Variants in ACBD7 observed in about 807,000 individuals in gnomAD.
ACBD7 encodes the protein acyl-CoA-binding domain-containing protein 7.
A neutral mutation model predicts 13.7 loss-of-function variants in ACBD7; 11 were observed. The ratio of observed to expected loss-of-function variants is 0.80; its 90% CI spans 0.50 to 1.33. The LOEUF (loss-of-function observed/expected upper bound fraction) is 1.33. ACBD7 is among the 40% of genes most tolerant of loss of function. The pLI, the probability that ACBD7 is intolerant of heterozygous loss-of-function variation, is 0.00. For synonymous variants in ACBD7, 43 were observed against 37.7 expected, an observed-to-expected ratio of 1.14 and a Z score of -0.51; for missense variants, 111 against 103.0, an observed-to-expected ratio of 1.08 and a Z score of -0.33.
intron 1 of ACBD7, among the ~76,000 whole-genome samples, chr10:15,083,455 C>T (rs929638009): frequency 6.6e-6 from 1 of 152,176 alleles, no homozygotes; most frequent in Non-Finnish European, 1.5e-5. Context: ...ATATCAGCCT[C>T]TTTTTGTGCT....
In ACBD7 at chr10:15,088,714, T is replaced by A; in HGVS notation, c.12+3A>T. On this transcript the variant is annotated splice_donor_region_variant and intron_variant, in intron 1 of 3. Coordinates refer to ENST00000356189, the MANE Select transcript of ACBD7 (RefSeq NM_001039844.3). ...CCGCGTGGCCTCCCCGCGCCCCGGG[T>A]ACCTGCAGGGCCATGGTGGCGGCTG... The A allele has an allele frequency of 6.3e-7, 1 of 1,597,558 alleles. No individual in the cohort carries two copies. The highest frequency in any genetic ancestry group is 8.5e-7 in the Non-Finnish European group (1 of 1,175,430).
intron 1 of ACBD7, among the ~76,000 whole-genome samples, chr10:15,081,429 G>A (rs1344578947): frequency 6.6e-6 from 1 of 152,184 alleles, no homozygotes; most frequent in Non-Finnish European, 1.5e-5. Flanking sequence ...TCCAGATTAA[G>A]TAAATTTACT....
Position 15,078,251 on chromosome 10 carries a change from C to G in ACBD7, c.*279G>C. ...GATGGTTTCCAGCTTCATCCATGTCCCTGCAAAGGACATGAACTCATCCCT... is the reference window on the plus strand; with the variant it reads ...GATGGTTTCCAGCTTCATCCATGTCGCTGCAAAGGACATGAACTCATCCCT... On this transcript the variant is annotated 3_prime_UTR_variant, in exon 4 of 4. Coordinates refer to ENST00000356189, the MANE Select transcript of ACBD7 (RefSeq NM_001039844.3). 1 of 808,722 alleles carries G rather than the reference C, an allele frequency of 1.2e-6. No homozygotes were observed. Among genetic ancestry groups the G allele is most frequent in the South Asian group, 3.5e-5 (1 of 28,654 alleles). The allele number at this position is 808,722 out of a possible 1,614,324, so 50.1% of individuals were successfully genotyped here.
chr10:15,079,159 C>A, intron 1 of ACBD7, 119 bp from the exon 2 acceptor site: 1 of 506,562 alleles, frequency 2.0e-6, no homozygotes, highest in Non-Finnish European at 3.4e-6. Context: ...CTGGTTCTAT[C>A]AGAATCATCT....
intron 1 of ACBD7, among the ~76,000 whole-genome samples, chr10:15,083,049 A>G (rs1844767978): frequency 6.6e-6 from 1 of 152,150 alleles, no homozygotes; most frequent in Non-Finnish European, 1.5e-5. Context: ...AAAAAAGAAA[A>G]AAGAAAAGAA....
At chr10:15,083,251 G>A (rs1564540621) in intron 1 of ACBD7, among the ~76,000 whole-genome samples, 1 of 152,084 alleles carries the variant, frequency 6.6e-6, no homozygotes, top group Non-Finnish European at 1.5e-5. Flanking sequence ...ATACATTCCT[G>A]CCTTAAGGGG....
chr10:15,084,368 G>A (rs1425905078), intron 1 of ACBD7, among the ~76,000 whole-genome samples: 1 of 152,188 alleles, frequency 6.6e-6, no homozygotes, highest in Non-Finnish European at 1.5e-5. Context: ...TCATAGGTGA[G>A]ATGCAGCTTT....
intron 1 of ACBD7, among the ~76,000 whole-genome samples, chr10:15,084,016 C>T (rs1428793183): frequency 6.6e-6 from 1 of 152,186 alleles, no homozygotes; most frequent in African/African-American, 2.4e-5. Flanking sequence ...GCAGCAGTTG[C>T]TCTGGGAACA....
intron 1 of ACBD7, among the ~76,000 whole-genome samples, chr10:15,087,804 T>G (rs1285481050): frequency 2.9e-5 from 4 of 139,412 alleles, no homozygotes; most frequent in Non-Finnish European, 4.6e-5. Context: ...AGAATGAGAC[T>G]CCATCTTAAA....
intron 1 of ACBD7, among the ~76,000 whole-genome samples, chr10:15,082,304 G>C (rs892758341): frequency 7.7e-6 from 1 of 129,164 alleles, no homozygotes; most frequent in African/African-American, 3.0e-5. Flanking sequence ...AAAAAAAAAA[G>C]GTACTTGCAA....
At chr10:15,086,728 G>T (rs1322470329) in intron 1 of ACBD7, among the ~76,000 whole-genome samples, 1 of 151,854 alleles carries the variant, frequency 6.6e-6, no homozygotes, top group Non-Finnish European at 1.5e-5. Flanking sequence ...ATACAAAAAA[G>T]GAAAGCCTGG....
chr10:15,088,438 A>G, intron 1 of ACBD7: 1 of 513,438 alleles, frequency 1.9e-6, no homozygotes. Flanking sequence ...GGAGACGGAG[A>G]GGAGGAGGCC....
At chr10:15,079,737 CCTGG>C (rs1044650981) in intron 1 of ACBD7, among the ~76,000 whole-genome samples, 11 of 151,874 alleles carry the variant, frequency 7.2e-5, no homozygotes, top group Admixed American at 7.2e-4. Context: ...TGCCACCGCG[CCTGG>C]CTAAGTTTTG....
At position 15,077,071 on chromosome 10, in the gene ACBD7, A is replaced by AGTGGG; in HGVS notation, c.*1458_*1459insCCCAC. 7 of 302,838 alleles carry AGTGGG rather than the reference A, an allele frequency of 2.3e-5. No individual in the cohort carries two copies. Among genetic ancestry groups the AGTGGG allele is most frequent in the Non-Finnish European group, 2.9e-5 (6 of 205,980 alleles). 18.8% of individuals were successfully genotyped at this position (302,838 alleles called of 1,614,324 possible). A position where few individuals can be genotyped will look rare whatever the true frequency, so the allele number is the denominator to read the frequency against. On this transcript the variant is annotated 3_prime_UTR_variant, in exon 4 of 4. Coordinates refer to ENST00000356189, the MANE Select transcript of ACBD7 (RefSeq NM_001039844.3). ...AAATAGAACTACCATTCTACCCAGC[A>AGTGGG]ATCCCACTACTGGGTATCTTCTTAA...
rs922578348 is a variant in ACBD7 at position 15,078,326 on chromosome 10, A to T, written c.*204T>A. On this transcript the variant is annotated 3_prime_UTR_variant, in exon 4 of 4. Transcript: ENST00000356189. Reference sequence around the variant, plus strand: ...GGTGTATATGTGCCACATTTTCTTAAAAAGAACTTTTAAAGACACCTGGTT... The same window carrying T: ...GGTGTATATGTGCCACATTTTCTTATAAAGAACTTTTAAAGACACCTGGTT... 4 of 1,414,396 alleles carry T rather than the reference A, an allele frequency of 2.8e-6. No individual in the cohort carries two copies. The African/African-American group carries it at 5.8e-5, about 20-fold the overall frequency. The allele number at this position is 1,414,396 out of a possible 1,614,324, so 87.6% of individuals were successfully genotyped here.
At chr10:15,083,904 G>T (rs1454606626) in intron 1 of ACBD7, among the ~76,000 whole-genome samples, 4 of 152,260 alleles carry the variant, frequency 2.6e-5, no homozygotes, top group African/African-American at 9.6e-5. Context: ...GCCTTTGCCA[G>T]GCAGATGGGC....
chr10:15,082,209 C>T (rs1033250517), intron 1 of ACBD7, among the ~76,000 whole-genome samples: 13 of 150,748 alleles, frequency 8.6e-5, no homozygotes, highest in Non-Finnish European at 4.4e-5. Flanking sequence ...TCGCTTGAAC[C>T]CTGGAGGTAG....
Position 15,079,036 on chromosome 10 carries a change from T to C in ACBD7, c.17A>G (p.Asp6Gly). 3 of 1,605,502 alleles carry C rather than the reference T, an allele frequency of 1.9e-6. No homozygotes were observed. Among genetic ancestry groups the C allele is most frequent in the Non-Finnish European group, 2.6e-6 (3 of 1,175,712 alleles). ...CACATCTTCTGCAGCCCTGTCAAAA[T>C]CAGCCTAAAGGAAGAACAAACAAAC... MALQA[D>G]FDRAAEDVRK... Residue 6 changes from aspartate to glycine, a missense_variant, in exon 2 of 4, where the codon GAT becomes GGT. Transcript: ENST00000356189.
At chr10:15,086,217 G>T (rs1286343532) in intron 1 of ACBD7, among the ~76,000 whole-genome samples, 1 of 151,842 alleles carries the variant, frequency 6.6e-6, no homozygotes, top group Non-Finnish European at 1.5e-5. Flanking sequence ...TAAGGCAGGA[G>T]AATTGCTTGA....
Sources: allele counts gnomAD v4.1 joint callset (sites outside exome capture counted in the v4.1 genomes callset), GRCh38; gene constraint gnomAD v4.1.1; transcripts MANE v1.5; gene names NCBI Gene and HGNC (gene_info 2026-07-23, HGNC 2026-07-21).